Variants in MIR17HG observed in about 807,000 individuals in gnomAD.
MIR17HG encodes the protein MIR17 host gene (non-protein coding).
chr13:91,348,516 G>A (rs1412061424), intron 1 of MIR17HG, among the ~76,000 whole-genome samples: 2 of 151,358 alleles, frequency 1.3e-5, no homozygotes, highest in Admixed American at 1.3e-4. Flanking sequence ...GGAGCCCGCG[G>A]TTCCCCAAAC....
chr13:91,348,991 C>T (rs1875129705), intron 1 of MIR17HG, among the ~76,000 whole-genome samples: 1 of 148,998 alleles, frequency 6.7e-6, no homozygotes, highest in African/African-American at 2.4e-5. Context: ...GCCTCGGCGC[C>T]GCCGGTCGCC....
intron 3 of MIR17HG, among the ~76,000 whole-genome samples, chr13:91,352,837 G>A (rs966644838): frequency 2.6e-5 from 4 of 152,040 alleles, no homozygotes; most frequent in African/African-American, 2.4e-5. Flanking sequence ...GGCTGGACAC[G>A]GTGGCTCACA....
At chr13:91,348,093 T>C (rs1309411581) in intron 1 of MIR17HG, 22 of 133,812 alleles carry the variant, frequency 1.6e-4, no homozygotes, top group African/African-American at 6.1e-4. Context: ...GGGGCGGGTC[T>C]CGGCCGTTGG....
intron 1 of MIR17HG, among the ~76,000 whole-genome samples, chr13:91,348,519 C>T (rs935561658): frequency 6.6e-6 from 1 of 151,378 alleles, no homozygotes; most frequent in African/African-American, 2.4e-5. Flanking sequence ...GCCCGCGGTT[C>T]CCCAAACTTT....
intron 1 of MIR17HG, chr13:91,349,695 C>T (rs1875190197): frequency 6.6e-6 from 1 of 152,054 alleles, no homozygotes; most frequent in Admixed American, 6.6e-5. Context: ...TTCCCTATTC[C>T]AGTCATACAC....
At chr13:91,352,920 C>A (rs1875393550) in intron 3 of MIR17HG, among the ~76,000 whole-genome samples, 1 of 151,782 alleles carries the variant, frequency 6.6e-6, no homozygotes, top group South Asian at 2.1e-4. Context: ...ACCAACCTGG[C>A]CGACATGGTG....
intron 1 of MIR17HG, among the ~76,000 whole-genome samples, chr13:91,348,533 C>G (rs915399980): frequency 6.6e-6 from 1 of 151,278 alleles, no homozygotes; most frequent in Non-Finnish European, 1.5e-5. Flanking sequence ...AAACTTTGTA[C>G]GCGCGAGGGT....
rs182442873 is a variant in MIR17HG at position 91,350,844 on chromosome 13, A to G, written n.284+618A>G. On this transcript the variant is annotated intron_variant and non_coding_transcript_variant, in intron 3 of 3. Transcript: ENST00000400282. ...GCATAAGAAGTTATGTATTCATCCA[A>G]TAATTCAAGCCAAGCAAGTATATAG... 5.0e-4 allele frequency: 267 copies of G among 534,766 alleles called. 1 individual carries two copies. The highest frequency in any genetic ancestry group is 3.6e-3 in the African/African-American group (185 of 52,096). The allele number at this position is 534,766 out of a possible 1,614,324, so 33.1% of individuals were successfully genotyped here. A position where few individuals can be genotyped will look rare whatever the true frequency, so the allele number is the denominator to read the frequency against.
chr13:91,348,857 C>G (rs1487447487), intron 1 of MIR17HG, among the ~76,000 whole-genome samples: 1 of 149,298 alleles, frequency 6.7e-6, no homozygotes, highest in African/African-American at 2.4e-5. Flanking sequence ...TTGTTCCCGG[C>G]TTAGGCCTCG....
chr13:91,350,273 AT>A, intron 3 of MIR17HG: 1 of 195,992 alleles, frequency 5.1e-6, no homozygotes, highest in South Asian at 8.9e-5. Context: ...ATTAGTTCTC[AT>A]TTATTTGCAG....
At chr13:91,351,369 T>C in intron 3 of MIR17HG, 1 of 526,278 alleles carries the variant, frequency 1.9e-6, no homozygotes, top group South Asian at 1.4e-5. Flanking sequence ...GGTATTGCAC[T>C]TGTCCCGGCC....
At chr13:91,349,079 C>T (rs1276585026) in intron 1 of MIR17HG, among the ~76,000 whole-genome samples, 1 of 151,858 alleles carries the variant, frequency 6.6e-6, no homozygotes, top group Admixed American at 6.6e-5. Flanking sequence ...CGCCCCCTGG[C>T]GGCTACGCGG....
intron 3 of MIR17HG, chr13:91,352,481 A>C (rs1875366001): frequency 6.6e-6 from 1 of 152,218 alleles, no homozygotes; most frequent in African/African-American, 2.4e-5. Context: ...TAGTAATAAG[A>C]AATAAACTTC....
intron 3 of MIR17HG, chr13:91,350,674 T>C (rs762895935): frequency 9.5e-5 from 51 of 534,492 alleles, no homozygotes; most frequent in South Asian, 1.4e-5. Context: ...AAGGCACTTG[T>C]AGCATTATGG....
At chr13:91,353,109 C>CAAAAAA (rs549062236) in intron 3 of MIR17HG, among the ~76,000 whole-genome samples, 1 of 28,886 alleles carries the variant, frequency 3.5e-5, no homozygotes, top group Non-Finnish European at 6.5e-5. Flanking sequence ...GACTTAAACG[C>CAAAAAA]AAAAAAAAAA....
At chr13:91,349,801 C>T (rs1594012995) in intron 2 of MIR17HG, 1 of 152,030 alleles carries the variant, frequency 6.6e-6, no homozygotes, top group Non-Finnish European at 1.5e-5. Flanking sequence ...TTGAACTTTT[C>T]TTAAAAACAA....
chr13:91,350,775 A>G (rs774322884), intron 3 of MIR17HG: 1 of 534,768 alleles, frequency 1.9e-6, no homozygotes, highest in Non-Finnish European at 3.8e-6. Flanking sequence ...TCTAGTGCAG[A>G]TAGTGAAGTA....
At chr13:91,351,732 A>T (rs1327125594) in intron 3 of MIR17HG, 2 of 202,834 alleles carry the variant, frequency 9.9e-6, no homozygotes, top group Admixed American at 1.0e-4. Context: ...TACTTAATCT[A>T]AAAGTTAATT....
At chr13:91,350,962 T>C (rs771832462) in intron 3 of MIR17HG, 1 of 532,242 alleles carries the variant, frequency 1.9e-6, no homozygotes, top group South Asian at 1.4e-5. Flanking sequence ...GCAAAACTGA[T>C]GGTGGCCTGC....
Sources: gnomAD v4.1 joint callset for allele counts (sites outside exome capture counted in the v4.1 genomes callset) on GRCh38, gnomAD v4.1.1 for gene constraint, MANE v1.5 for transcripts, NCBI Gene and HGNC (gene_info 2026-07-23, HGNC 2026-07-21) for gene names.